The following FUNDC2 variants were observed in gnomAD, a reference collection of about 807,000 sequenced individuals.
FUNDC2 encodes the protein FUN14 domain containing 2.
A neutral mutation model predicts 15.6 loss-of-function variants in FUNDC2; 4 were observed. That is an observed-to-expected ratio of 0.26 (90% CI 0.13 to 0.59). The LOEUF is 0.59. Among genes scored for constraint, FUNDC2 ranks in the 20% least tolerant of loss-of-function variants. The pLI, the probability that FUNDC2 is intolerant of heterozygous loss-of-function variation, is 0.90. For missense variants in FUNDC2, 98 were observed against 149.7 expected (o/e 0.65, Z 1.80); for synonymous variants, 44 against 56.9 (o/e 0.77, Z 1.02).
intron 2 of FUNDC2, among the ~76,000 whole-genome samples, chrX:155,042,176 T>A (rs2073849257): frequency 1.1e-4 from 4 of 36,087 alleles, no homozygotes; most frequent in African/African-American, 6.1e-4. Context: ...TTTTTCTATC[T>A]TTTTTTTTTT....
intron 1 of FUNDC2, among the ~76,000 whole-genome samples, chrX:155,032,044 C>T (rs1234736175): frequency 7.4e-5 from 8 of 107,893 alleles, no homozygotes; most frequent in African/African-American, 2.0e-4. Flanking sequence ...GGCGCGATCT[C>T]GGCTCACTGC....
intron 2 of FUNDC2, among the ~76,000 whole-genome samples, chrX:155,042,082 A>G (rs1325830895): frequency 9.4e-6 from 1 of 105,936 alleles, no homozygotes; most frequent in East Asian, 2.8e-4. Flanking sequence ...AAAAAAAAAA[A>G]AAAAGAAAAA....
chrX:155,044,994 T>A (rs4898406), intron 2 of FUNDC2, among the ~76,000 whole-genome samples: 1 of 110,718 alleles, frequency 9.0e-6, no homozygotes, highest in South Asian at 3.8e-4. Context: ...ATAGAGAAAA[T>A]GTGTCTACAA....
Position 155,055,487 on chromosome X carries a change from C to T in FUNDC2, c.*815C>T, listed in dbSNP as rs188820523. On this transcript the variant is annotated 3_prime_UTR_variant, in exon 5 of 5. Transcript: ENST00000369498. ...TTAGTATGAAATACAACATTTAAAC[C>T]GGAATTTTAAAGAAGTAGCTTTCCA... is the stretch of plus-strand genomic sequence containing the variant. 49 of 286,134 alleles carry T rather than the reference C, an allele frequency of 1.7e-4. No individual in the cohort carries two copies. The highest frequency in any genetic ancestry group is 3.4e-4 in the East Asian group (7 of 20,549). The allele number at this position is 286,134 out of a possible 1,213,427, so 23.6% of individuals were successfully genotyped here.
intron 1 of FUNDC2, among the ~76,000 whole-genome samples, chrX:155,028,574 T>C (rs1407701457): frequency 8.9e-6 from 1 of 112,662 alleles, no homozygotes; most frequent in Non-Finnish European, 1.9e-5. Flanking sequence ...GTCTGTGATG[T>C]ATCCTGAATG....
chrX:155,048,256 C>A (rs113884477), intron 3 of FUNDC2, among the ~76,000 whole-genome samples: 2,364 of 111,460 alleles, frequency 0.021, 21 homozygotes, highest in Middle Eastern at 0.037. Flanking sequence ...CTGTGGCAGG[C>A]ACTCATGTTA....
At chrX:155,051,875 ATC>A in intron 4 of FUNDC2, 74 bp downstream of exon 4, 1 of 1,030,841 alleles carries the variant, frequency 9.7e-7, no homozygotes, top group Non-Finnish European at 1.3e-6. Flanking sequence ...ATTGTACCAT[ATC>A]TCAGTGATGG....
At chrX:155,029,737 G>C in intron 1 of FUNDC2, among the ~76,000 whole-genome samples, 1 of 65,770 alleles carries the variant, frequency 1.5e-5, no homozygotes. Context: ...TGGGCAAAAA[G>C]AGCAAAACTC....
Position 155,057,949 on chromosome X carries a change from C to G in FUNDC2, c.*3277C>G, listed in dbSNP as rs1350965507. 9.0e-6 allele frequency: 1 copy of G among 111,520 alleles called. No homozygotes were observed. The highest frequency in any genetic ancestry group is 9.5e-5 in the Admixed American group (1 of 10,550). 9.2% of individuals were successfully genotyped at this position (111,520 alleles called of 1,213,427 possible). A position where few individuals can be genotyped will look rare whatever the true frequency, so the allele number is the denominator to read the frequency against. The stretch of plus-strand genomic sequence containing the variant: ...AGAATGTGTATCCTCATTGCTGACA[C>G]GGGAGCTGGGTGCGGGGAGAGATGT... On this transcript the variant is annotated 3_prime_UTR_variant, in exon 5 of 5. Transcript: ENST00000369498.
intron 4 of FUNDC2, among the ~76,000 whole-genome samples, chrX:155,052,200 T>TATCA (rs2073881357): frequency 9.0e-6 from 1 of 111,263 alleles, no homozygotes; most frequent in African/African-American, 3.3e-5. Context: ...CTCCACTGTA[T>TATCA]ATCATCAAAA....
Position 155,051,873 on chromosome X carries a change from A to G in FUNDC2, c.492+72A>G, listed in dbSNP as rs2073880593. On this transcript the variant is annotated intron_variant, in intron 4 of 4. Transcript: ENST00000369498. The stretch of plus-strand genomic sequence containing the variant: ...AAACAGGGCTTAACCCTATTGTACC[A>G]TATCTCAGTGATGGACAGGGCTTAA... 3.8e-6 allele frequency: 4 copies of G among 1,055,231 alleles called. No individual in the cohort carries two copies. The Admixed American group carries it at 7.3e-5, about 19-fold the overall frequency. 87.0% of individuals were successfully genotyped at this position (1,055,231 alleles called of 1,213,427 possible). A position where few individuals can be genotyped will look rare whatever the true frequency, so the allele number is the denominator to read the frequency against.
chrX:155,034,764 T>C (rs1328625428), intron 2 of FUNDC2, among the ~76,000 whole-genome samples: 3 of 112,046 alleles, frequency 2.7e-5, no homozygotes, highest in Non-Finnish European at 3.8e-5. Flanking sequence ...ACCAGTCTGG[T>C]AGTTAGGTAG....
Position 155,057,071 on chromosome X carries a change from CCCACGGTGTGAGGCCACTGTGA to C in FUNDC2, c.*2404_*2425del. 1 of 99,205 alleles carries C rather than the reference CCCACGGTGTGAGGCCACTGTGA, an allele frequency of 1.0e-5. No individual in the cohort carries two copies. Among genetic ancestry groups the C allele is most frequent in the South Asian group, 3.9e-4 (1 of 2,590 alleles). 8.2% of individuals were successfully genotyped at this position (99,205 alleles called of 1,213,427 possible). On this transcript the variant is annotated 3_prime_UTR_variant, in exon 5 of 5. Coordinates refer to ENST00000369498, the MANE Select transcript of FUNDC2 (RefSeq NM_023934.4). ...AGTATGAGAACGGCTGTGAGTTCTG[CCCACGGTGTGAGGCCACTGTGA>C]CCACTTGGGATTGTGCAGAGCTGGC...
rs1331249781 is a variant in FUNDC2, at chrX:155,057,023, TTGCAGGTTGGCCTCATCC to T, written c.*2355_*2372del. The T allele has an allele frequency of 2.2e-3, 226 of 102,030 alleles. No homozygotes were observed. The highest frequency in any genetic ancestry group is 7.7e-3 in the African/African-American group (218 of 28,403). The allele number at this position is 102,030 out of a possible 1,213,427, so 8.4% of individuals were successfully genotyped here. A position where few individuals can be genotyped will look rare whatever the true frequency, so the allele number is the denominator to read the frequency against. On this transcript the variant is annotated 3_prime_UTR_variant, in exon 5 of 5. Transcript: ENST00000369498. Reference sequence around the variant, plus strand: ...GTGAGGGTCATGGTTGAGGTCAGTATTGCAGGTTGGCCTCATCCTGCTAGTATGAGAACGGCTGTGAGT... The same window carrying T: ...GTGAGGGTCATGGTTGAGGTCAGTATTGCTAGTATGAGAACGGCTGTGAGT...
At chrX:155,032,363 C>T (rs1490658484) in intron 1 of FUNDC2, among the ~76,000 whole-genome samples, 5 of 102,745 alleles carry the variant, frequency 4.9e-5, no homozygotes, top group Non-Finnish European at 1.0e-4. Flanking sequence ...CTTGGCTCAC[C>T]GCAACCTCTG....
At chrX:155,035,696 G>A (rs2073828660) in intron 2 of FUNDC2, among the ~76,000 whole-genome samples, 1 of 111,497 alleles carries the variant, frequency 9.0e-6, no homozygotes, top group African/African-American at 3.3e-5. Flanking sequence ...ATATTTTTTT[G>A]TTTTGAGACG....
At position 155,056,946 on chromosome X, in the gene FUNDC2, CTGTAGGTAGGTCCCTCCTG is replaced by C. The variant is rs2073902681; in HGVS notation, c.*2275_*2293del. ...GTATTCTGATTGTCTGAATTAAGAT[CTGTAGGTAGGTCCCTCCTG>C]AAGTTTTTTCCCAGCTGGCTGCCTC... is the stretch of plus-strand genomic sequence containing the variant. On this transcript the variant is annotated 3_prime_UTR_variant, in exon 5 of 5. Coordinates refer to ENST00000369498, the MANE Select transcript of FUNDC2 (RefSeq NM_023934.4). 9.1e-6 allele frequency: 1 copy of C among 110,185 alleles called. No homozygotes were observed. Among genetic ancestry groups the C allele is most frequent in the Non-Finnish European group, 1.9e-5 (1 of 52,118 alleles). The allele number at this position is 110,185 out of a possible 1,213,427, so 9.1% of individuals were successfully genotyped here.
intron 1 of FUNDC2, chrX:155,027,349 A>T (rs2073796998): frequency 4.7e-6 from 1 of 210,568 alleles, no homozygotes; most frequent in South Asian, 2.4e-4. Flanking sequence ...GCCCGAAGAC[A>T]TTCTGTCCCC....
intron 1 of FUNDC2, among the ~76,000 whole-genome samples, chrX:155,029,880 A>G (rs1557288584): frequency 1.8e-5 from 2 of 111,733 alleles, no homozygotes; most frequent in Non-Finnish European, 3.8e-5. Flanking sequence ...CATAAACAGT[A>G]TATCACTGTT....
Sources: gnomAD v4.1 joint callset for allele counts (sites outside exome capture counted in the v4.1 genomes callset) on GRCh38, gnomAD v4.1.1 for gene constraint, MANE v1.5 for transcripts, NCBI Gene and HGNC (gene_info 2026-07-23, HGNC 2026-07-21) for gene names.